ECPAS: variants seen among roughly 807,000 people sequenced by gnomAD.
ECPAS encodes proteasome adapter and scaffold protein ECM29.
A neutral mutation model predicts 255.1 loss-of-function variants in ECPAS; 70 were observed. That is an observed-to-expected ratio of 0.27 (90% CI 0.23 to 0.33). ECPAS has a LOEUF of 0.33. Ranked by LOEUF, ECPAS falls within the 10% of genes least tolerant of loss-of-function variation. The probability of loss-of-function intolerance (pLI) is 1.00; values close to 1 mark genes in which losing one functional copy is unlikely to be tolerated. For synonymous variants in ECPAS, 784 were observed against 775.0 expected (o/e 1.01, Z -0.19); for missense variants, 1,817 against 2,206.4 (o/e 0.82, Z 3.54).
chr9:111,403,240 G>T (rs1428245031), intron 24 of ECPAS, among the ~76,000 whole-genome samples: 8 of 151,080 alleles, frequency 5.3e-5, no homozygotes, highest in African/African-American at 1.9e-4. Context: ...TGTGCCTGTA[G>T]GCCCAGCTAC....
chr9:111,389,029 T>C lies in ECPAS; in HGVS notation c.3447+527A>G, dbSNP rs971723312. Among the ~76,000 whole-genome samples, 7 of 152,234 alleles carry C rather than the reference T, an allele frequency of 4.6e-5. No individual in the cohort carries two copies. The East Asian group carries it at 1.2e-3, about 25-fold the overall frequency. On this transcript the variant is annotated intron_variant, in intron 31 of 49. Transcript: ENST00000684092. ...AGGTTGGGAACTTTCACAATAAAGA[T>C]GACATTTACATGCCTTGGAACTGAT...
intron 2 of ECPAS, among the ~76,000 whole-genome samples, chr9:111,471,325 G>A (rs1025751563): frequency 3.9e-5 from 6 of 152,098 alleles, no homozygotes; most frequent in East Asian, 1.9e-4. Flanking sequence ...TTCTCTAAAC[G>A]CCCAAGGAAT....
intron 45 of ECPAS, 71 bp downstream of exon 45, chr9:111,370,364 T>A (rs577663823): frequency 7.9e-6 from 8 of 1,017,842 alleles, no homozygotes; most frequent in Non-Finnish European, 1.1e-5. Context: ...AATCAGGACA[T>A]AGGGGAAAAC....
chr9:111,467,075 C>T (rs1196177855), intron 2 of ECPAS, among the ~76,000 whole-genome samples: 1 of 152,134 alleles, frequency 6.6e-6, no homozygotes, highest in Non-Finnish European at 1.5e-5. Flanking sequence ...CTCAAAAACA[C>T]AACTTTAACT....
At chr9:111,419,894 T>C (rs1300087478) in intron 16 of ECPAS, 123 bp downstream of exon 16, 2 of 662,382 alleles carry the variant, frequency 3.0e-6, no homozygotes, top group Non-Finnish European at 5.3e-6. Flanking sequence ...TCAAGAGCCA[T>C]ACTTTCTTTA....
intron 49 of ECPAS, among the ~76,000 whole-genome samples, chr9:111,362,860 G>C (rs1288541822): frequency 1.3e-5 from 2 of 152,134 alleles, no homozygotes; most frequent in African/African-American, 4.8e-5. Flanking sequence ...AAGGAAAAAA[G>C]GGATTAGGAG....
chr9:111,399,702 A>G (rs1397363273), intron 24 of ECPAS, among the ~76,000 whole-genome samples: 1 of 152,238 alleles, frequency 6.6e-6, no homozygotes, highest in East Asian at 1.9e-4. Flanking sequence ...ACCAGGCACC[A>G]GCCCACCCAC....
At chr9:111,385,141 C>G (rs1195962380) in intron 33 of ECPAS, among the ~76,000 whole-genome samples, 196 bp downstream of exon 33, 2 of 151,776 alleles carry the variant, frequency 1.3e-5, no homozygotes, top group African/African-American at 4.8e-5. Flanking sequence ...CTTTTTTTTC[C>G]CTAAGTCTAT....
intron 3 of ECPAS, among the ~76,000 whole-genome samples, chr9:111,448,608 C>T (rs1206075585): frequency 1.3e-5 from 2 of 152,178 alleles, no homozygotes; most frequent in African/African-American, 4.8e-5. Context: ...GACATGAATG[C>T]ACAATGTTAC....
intron 48 of ECPAS, among the ~76,000 whole-genome samples, chr9:111,364,535 G>GACA (rs2098117988): frequency 6.6e-6 from 1 of 152,158 alleles, no homozygotes; most frequent in Non-Finnish European, 1.5e-5. Context: ...GGTGAATGTG[G>GACA]ACAAAGTGCT....
chr9:111,420,408 A>G (rs907166725), intron 15 of ECPAS, among the ~76,000 whole-genome samples: 1 of 152,194 alleles, frequency 6.6e-6, no homozygotes, highest in Non-Finnish European at 1.5e-5. Flanking sequence ...CCATAACTAG[A>G]GAATCTCTGC....
intron 3 of ECPAS, among the ~76,000 whole-genome samples, chr9:111,449,624 T>A (rs1374988170): frequency 6.6e-6 from 1 of 151,680 alleles, no homozygotes; most frequent in East Asian, 1.9e-4. Flanking sequence ...CAAAAAAAAA[T>A]CTAAGATAAG....
At chr9:111,368,792 A>T (rs1247532882) in intron 46 of ECPAS, among the ~76,000 whole-genome samples, 3 of 152,236 alleles carry the variant, frequency 2.0e-5, no homozygotes, top group Admixed American at 2.0e-4. Context: ...AATTGTGAGA[A>T]AATAAATTTC....
rs377530947 is a variant in ECPAS, at chr9:111,410,196, T to C, written c.2395A>G (p.Thr799Ala). ...GCAGCAATTGCCAGGAGGGGTGATGTACTGTCCAAAAATGAGCCTGTAAGC... is the reference window on the plus strand; with the variant it reads ...GCAGCAATTGCCAGGAGGGGTGATGCACTGTCCAAAAATGAGCCTGTAAGC... ...TETIGSFLDS[T>A]SPLLAIAACT... Residue 799 changes from threonine to alanine, a missense_variant, in exon 23 of 50, where the codon ACA becomes GCA. By Grantham distance (58) the Thr-to-Ala change is moderately conservative. Transcript: ENST00000684092. 1 of 1,612,092 alleles carries C rather than the reference T, an allele frequency of 6.2e-7. No individual in the cohort carries two copies.
chr9:111,442,590 G>A (rs575065346), intron 4 of ECPAS, among the ~76,000 whole-genome samples, 166 bp from the exon 5 acceptor site: 3 of 152,246 alleles, frequency 2.0e-5, no homozygotes, highest in Admixed American at 2.0e-4. Flanking sequence ...CTGTATCTCA[G>A]AGGAAAAATT....
Position 111,399,198 on chromosome 9 carries a change from A to G in ECPAS, c.2653-2045T>C, listed in dbSNP as rs188658751. ...GTACCTACAAAAACTTAAAATTGAG[A>G]AAAAAAAAGCCCAACAGAATCTCAT... On this transcript the variant is annotated intron_variant, in intron 24 of 49. Transcript: ENST00000684092. 1.1e-3 allele frequency among the ~76,000 whole-genome samples: 167 copies of G among 151,212 alleles called. 3 individuals are homozygous for G. The highest frequency in any genetic ancestry group is 1.7e-3 in the Non-Finnish European group (114 of 67,778).
Position 111,473,161 on chromosome 9 carries a change from G to A in ECPAS, c.-82-161C>T, listed in dbSNP as rs183546261. On this transcript the variant is annotated intron_variant, in intron 1 of 49. Coordinates refer to ENST00000684092, the MANE Select transcript of ECPAS (RefSeq NM_001364929.1). ...AAATTATAATGACTATCAAATTTGA[G>A]AAAGAATAAGGCCTATGTCCACAAA... is the stretch of plus-strand genomic sequence containing the variant. Among the ~76,000 whole-genome samples, 583 of 152,208 alleles carry A rather than the reference G, an allele frequency of 3.8e-3. 1 individual carries two copies. The highest frequency in any genetic ancestry group is 9.1e-3 in the African/African-American group (378 of 41,532).
chr9:111,376,404 G>T, intron 37 of ECPAS, 72 bp downstream of exon 37: 2 of 1,228,686 alleles, frequency 1.6e-6, no homozygotes, highest in Non-Finnish European at 2.3e-6. Context: ...ATTTAACATA[G>T]CCTGAAGACT....
intron 24 of ECPAS, among the ~76,000 whole-genome samples, chr9:111,398,350 T>G (rs1320829305): frequency 6.6e-6 from 1 of 152,218 alleles, no homozygotes; most frequent in Non-Finnish European, 1.5e-5. Flanking sequence ...TGTTTTTGCA[T>G]GTTTCCTGTA....
Sources: allele counts gnomAD v4.1 joint callset (sites outside exome capture counted in the v4.1 genomes callset), GRCh38; gene constraint gnomAD v4.1.1; transcripts MANE v1.5; gene names NCBI Gene and HGNC (gene_info 2026-07-23, HGNC 2026-07-21).